C8orf34: variants seen among roughly 807,000 people sequenced by gnomAD.
The protein encoded by C8orf34 is uncharacterized protein C8orf34.
C8orf34 carries 65 observed loss-of-function variants against 68.3 expected under a neutral mutation model. The observed-to-expected ratio is 0.95, with a 90% confidence interval of 0.78 to 1.17. C8orf34 has a LOEUF of 1.17. C8orf34 is among the 50% of genes most tolerant of loss of function. The pLI, the probability that C8orf34 is intolerant of heterozygous loss-of-function variation, is 0.00. For synonymous variants in C8orf34, 244 were observed against 241.2 expected (o/e 1.01, Z -0.11); for missense variants, 664 against 655.4 (o/e 1.01, Z -0.14).
At chr8:68,513,047 A>T (rs1366353732) in intron 5 of C8orf34, among the ~76,000 whole-genome samples, 1 of 152,238 alleles carries the variant, frequency 6.6e-6, no homozygotes, top group East Asian at 1.9e-4. Context: ...TTTCAAAACC[A>T]AAAAAGCAGT....
chr8:68,657,770 C>T (rs1819551771), intron 8 of C8orf34, among the ~76,000 whole-genome samples: 1 of 152,158 alleles, frequency 6.6e-6, no homozygotes, highest in African/African-American at 2.4e-5. Context: ...TGACACTTTA[C>T]AGGATATTTT....
rs895389434 is a variant in C8orf34 at position 68,458,371 on chromosome 8, C to T, written c.608-10321C>T. On this transcript the variant is annotated intron_variant, in intron 3 of 13. Coordinates refer to ENST00000518698, the MANE Select transcript of C8orf34 (RefSeq NM_052958.4). ...CATGTGGTGCATTCAGTGGGTAGGT[C>T]TGCAGATGCTGGGCTCAGCTGGGAT... Among the ~76,000 whole-genome samples, 3 of 152,052 alleles carry T rather than the reference C, an allele frequency of 2.0e-5. 1 individual carries two copies. Among genetic ancestry groups the T allele is most frequent in the Non-Finnish European group, 4.4e-5 (3 of 68,030 alleles).
At chr8:68,765,443 A>G (rs563026443) in intron 10 of C8orf34, among the ~76,000 whole-genome samples, 1 of 152,352 alleles carries the variant, frequency 6.6e-6, no homozygotes, top group African/African-American at 2.4e-5. Flanking sequence ...GTACATAAAC[A>G]CAGGTGGTGA....
At chr8:68,722,897 G>GA (rs1310006670) in intron 10 of C8orf34, among the ~76,000 whole-genome samples, 1 of 151,872 alleles carries the variant, frequency 6.6e-6, no homozygotes, top group Non-Finnish European at 1.5e-5. Flanking sequence ...CTTAGAAATA[G>GA]AAAAAACCAT....
chr8:68,349,926 GTTGA>G (rs2129618476), intron 1 of C8orf34, among the ~76,000 whole-genome samples: 1 of 151,378 alleles, frequency 6.6e-6, no homozygotes, highest in African/African-American at 2.4e-5. Flanking sequence ...TCCTGGTTTG[GTTGA>G]TCTTTTGAAA....
At chr8:68,803,153 C>G (rs1461513698) in intron 12 of C8orf34, among the ~76,000 whole-genome samples, 1 of 152,060 alleles carries the variant, frequency 6.6e-6, no homozygotes, top group African/African-American at 2.4e-5. Flanking sequence ...TTTTATGAGA[C>G]TAGCTAACCT....
intron 3 of C8orf34, among the ~76,000 whole-genome samples, chr8:68,463,210 T>G (rs554476383): frequency 2.0e-5 from 3 of 152,076 alleles, no homozygotes; most frequent in Non-Finnish European, 4.4e-5. Context: ...ATAAATTCCT[T>G]GACACATACA....
At chr8:68,565,004 T>C (rs1816542522) in intron 7 of C8orf34, among the ~76,000 whole-genome samples, 2 of 152,184 alleles carry the variant, frequency 1.3e-5, no homozygotes, top group African/African-American at 2.4e-5. Context: ...ATCAGAATTA[T>C]TCCCATAAAA....
At chr8:68,489,662 T>G (rs1813227029) in intron 5 of C8orf34, among the ~76,000 whole-genome samples, 2 of 152,198 alleles carry the variant, frequency 1.3e-5, no homozygotes, top group African/African-American at 4.8e-5. Context: ...GTGTCGATGC[T>G]CAAAAAGTTT....
intron 8 of C8orf34, among the ~76,000 whole-genome samples, chr8:68,650,641 G>C (rs1007030565): frequency 1.3e-5 from 2 of 151,676 alleles, no homozygotes; most frequent in Non-Finnish European, 2.9e-5. Context: ...CACCACGCCC[G>C]GCTAATTTTT....
chr8:68,676,730 G>A (rs769141199), intron 8 of C8orf34, among the ~76,000 whole-genome samples: 9 of 152,066 alleles, frequency 5.9e-5, no homozygotes, highest in South Asian at 2.1e-4. Context: ...GTATTAGTTC[G>A]TTTTCATGCT....
At chr8:68,332,104 C>T (rs1371634896) in intron 1 of C8orf34, among the ~76,000 whole-genome samples, 11 of 151,636 alleles carry the variant, frequency 7.3e-5, no homozygotes, top group African/African-American at 2.7e-4. Flanking sequence ...TTTTTTCTCT[C>T]TCTCGCCATT....
rs114433113 is a variant in C8orf34, at chr8:68,741,450, A to G, written c.1404+20013A>G. 2.6e-3 allele frequency among the ~76,000 whole-genome samples: 391 copies of G among 152,302 alleles called. 4 individuals are homozygous for G. Among genetic ancestry groups the G allele is most frequent in the African/African-American group, 8.6e-3 (358 of 41,570 alleles). ...GGGGTATTCATAACCTCAAGCACTT[A>G]TTCTTCATGTTACAAATAATTCAAT... On this transcript the variant is annotated intron_variant, in intron 10 of 13. Coordinates refer to ENST00000518698, the MANE Select transcript of C8orf34 (RefSeq NM_052958.4).
intron 10 of C8orf34, among the ~76,000 whole-genome samples, chr8:68,757,367 T>C (rs12114207): frequency 0.31 from 46,718 of 151,906 alleles, 7,640 homozygotes; most frequent in East Asian, 0.46. Flanking sequence ...CAGTGGCTCA[T>C]GCCTGTAATC....
chr8:68,527,199 CATA>C (rs894924760), intron 6 of C8orf34, among the ~76,000 whole-genome samples: 2 of 152,148 alleles, frequency 1.3e-5, no homozygotes, highest in Non-Finnish European at 2.9e-5. Flanking sequence ...TCTTTGAACA[CATA>C]ATGATATTAA....
chr8:68,729,414 T>C lies in C8orf34; in HGVS notation c.1404+7977T>C, dbSNP rs1162676173. Among the ~76,000 whole-genome samples the C allele has an allele frequency of 5.3e-5, 8 of 152,330 alleles. No individual in the cohort carries two copies. In the East Asian group the frequency reaches 1.3e-3, roughly 26 times the overall value. ...ACTTTGGCAATCTGCTGAAGTCATA[T>C]GACATTTCTCAATATGCAAGTTGCA... On this transcript the variant is annotated intron_variant, in intron 10 of 13. Transcript: ENST00000518698.
At chr8:68,518,289 C>G (rs1814603088) in intron 5 of C8orf34, among the ~76,000 whole-genome samples, 1 of 152,206 alleles carries the variant, frequency 6.6e-6, no homozygotes, top group South Asian at 2.1e-4. Flanking sequence ...TCAGCTTCCT[C>G]TTCTCTGAAC....
intron 5 of C8orf34, among the ~76,000 whole-genome samples, chr8:68,515,128 A>T (rs2129633633): frequency 6.6e-6 from 1 of 152,332 alleles, no homozygotes; most frequent in Admixed American, 6.5e-5. Context: ...CATTTAAAAA[A>T]TCACTTTGTA....
chr8:68,384,582 T>C (rs1808180898), intron 1 of C8orf34, among the ~76,000 whole-genome samples: 1 of 152,210 alleles, frequency 6.6e-6, no homozygotes, highest in Admixed American at 6.5e-5. Flanking sequence ...AGGAGATGCA[T>C]AGTAAAAGCC....
Sources: gnomAD v4.1 joint callset for allele counts (sites outside exome capture counted in the v4.1 genomes callset) on GRCh38, gnomAD v4.1.1 for gene constraint, MANE v1.5 for transcripts, NCBI Gene and HGNC (gene_info 2026-07-23, HGNC 2026-07-21) for gene names.